Variants in CMSS1 observed in about 807,000 individuals in gnomAD.
CMSS1 encodes cms1 ribosomal small subunit homolog.
A neutral mutation model predicts 43.5 loss-of-function variants in CMSS1; 33 were observed. The observed-to-expected ratio is 0.76, with a 90% CI of 0.57 to 1.01. The LOEUF is 1.01. CMSS1 is among the 50% of genes least tolerant of loss of function. The pLI is 0.00. For missense variants in CMSS1, 313 were observed against 326.4 expected (o/e 0.96, Z 0.32); for synonymous variants, 115 against 117.2 (o/e 0.98, Z 0.12).
chr3:99,997,998 A>G (rs1052778912), intron 1 of CMSS1, among the ~76,000 whole-genome samples: 1 of 152,244 alleles, frequency 6.6e-6, no homozygotes, highest in African/African-American at 2.4e-5. Context: ...GGTTCCTGCT[A>G]GAGCATAGAG....
intron 1 of CMSS1, among the ~76,000 whole-genome samples, chr3:100,108,997 G>A (rs1248581104): frequency 6.6e-6 from 1 of 151,768 alleles, no homozygotes; most frequent in Non-Finnish European, 1.5e-5. Context: ...TGGTCCCATG[G>A]CTTTTTCAAT....
chr3:100,172,883 C>G (rs2067121703), intron 8 of CMSS1, among the ~76,000 whole-genome samples: 1 of 152,206 alleles, frequency 6.6e-6, no homozygotes, highest in Non-Finnish European at 1.5e-5. Context: ...TAGACAACAT[C>G]CACTGGTGGG....
rs1423839589 is a variant in CMSS1, at chr3:99,839,718, T to C, written c.64+21675T>C. 5.3e-5 allele frequency among the ~76,000 whole-genome samples: 8 copies of C among 152,322 alleles called. No homozygotes were observed. In the Middle Eastern group the frequency reaches 0.017, roughly 324 times the overall value. ...ATAAAATACTGTAATAATACAAATA[T>C]AGATGTTCAAGTATGAACATGCTCT... On this transcript the variant is annotated intron_variant, in intron 1 of 9. Coordinates refer to ENST00000421999, the MANE Select transcript of CMSS1 (RefSeq NM_032359.4).
At chr3:100,005,828 G>A (rs971036281) in intron 1 of CMSS1, among the ~76,000 whole-genome samples, 1 of 152,152 alleles carries the variant, frequency 6.6e-6, no homozygotes, top group Admixed American at 6.5e-5. Flanking sequence ...GAACTGAAAG[G>A]AGAGAACTTG....
chr3:100,170,303 C>A (rs1462474877), intron 6 of CMSS1, among the ~76,000 whole-genome samples: 1 of 152,178 alleles, frequency 6.6e-6, no homozygotes, highest in Admixed American at 6.5e-5. Flanking sequence ...CATGTTAGGT[C>A]TGTCCTCAAA....
chr3:99,836,923 G>C (rs908468985), intron 1 of CMSS1, among the ~76,000 whole-genome samples: 15 of 152,294 alleles, frequency 9.8e-5, no homozygotes, highest in African/African-American at 3.6e-4. Flanking sequence ...ATGCAGTAAG[G>C]ACAGGATAGC....
At chr3:100,041,222 CA>C (rs1193623743) in intron 1 of CMSS1, 1 of 152,150 alleles carries the variant, frequency 6.6e-6, no homozygotes, top group Non-Finnish European at 1.5e-5. Flanking sequence ...ATGGAATCTA[CA>C]AAATGGCCTA....
chr3:99,907,501 C>T (rs1706657681), intron 1 of CMSS1, among the ~76,000 whole-genome samples: 1 of 152,162 alleles, frequency 6.6e-6, no homozygotes, highest in Admixed American at 6.5e-5. Context: ...CCCGCCTCGG[C>T]CTCCCAAAGT....
At chr3:100,075,532 C>T (rs530919877) in intron 1 of CMSS1, 1 of 151,752 alleles carries the variant, frequency 6.6e-6, no homozygotes, top group South Asian at 2.1e-4. Context: ...CTTTTTACTT[C>T]ATATCCCAAT....
chr3:99,897,351 AAGAGC>A (rs1706290554), intron 1 of CMSS1, among the ~76,000 whole-genome samples: 1 of 152,076 alleles, frequency 6.6e-6, no homozygotes, highest in African/African-American at 2.4e-5. Context: ...CCTGGGGGAC[AAGAGC>A]TAGACTTTGT....
intron 1 of CMSS1, among the ~76,000 whole-genome samples, chr3:100,020,000 C>T (rs757275483): frequency 3.3e-4 from 50 of 152,126 alleles, no homozygotes; most frequent in Non-Finnish European, 4.6e-4. Flanking sequence ...ATTTTATTTT[C>T]TGAGTAATAT....
intron 1 of CMSS1, among the ~76,000 whole-genome samples, chr3:100,132,103 G>A (rs1484455889): frequency 6.6e-6 from 1 of 152,122 alleles, no homozygotes; most frequent in African/African-American, 2.4e-5. Flanking sequence ...AAAAGATTAG[G>A]CAGCATTAAA....
chr3:99,930,029 C>T (rs1212275107), intron 1 of CMSS1: 8 of 1,594,670 alleles, frequency 5.0e-6, no homozygotes, highest in Non-Finnish European at 6.8e-6. Context: ...TCATCTCGAG[C>T]CTGTAGGAAC....
chr3:99,912,467 C>T (rs1372625356), intron 1 of CMSS1, among the ~76,000 whole-genome samples: 2 of 152,134 alleles, frequency 1.3e-5, no homozygotes, highest in East Asian at 3.9e-4. Context: ...GCCTTGACCT[C>T]CCTGGACTCA....
At chr3:99,880,316 G>A (rs937773658) in intron 1 of CMSS1, among the ~76,000 whole-genome samples, 8 of 151,956 alleles carry the variant, frequency 5.3e-5, no homozygotes, top group Admixed American at 2.0e-4. Flanking sequence ...CCATATCTCC[G>A]CACTTAAACT....
chr3:99,899,783 C>T (rs1706377446), intron 1 of CMSS1, among the ~76,000 whole-genome samples: 1 of 152,200 alleles, frequency 6.6e-6, no homozygotes, highest in Non-Finnish European at 1.5e-5. Flanking sequence ...CCTGGGTTTG[C>T]ATGTTGAATT....
At chr3:100,156,007 A>G (rs1481627515) in intron 2 of CMSS1, among the ~76,000 whole-genome samples, 1 of 152,144 alleles carries the variant, frequency 6.6e-6, no homozygotes, top group Admixed American at 6.5e-5. Context: ...ATAGTACCCT[A>G]TACCTAATGG....
intron 1 of CMSS1, among the ~76,000 whole-genome samples, chr3:100,002,345 T>TC (rs1191451870): frequency 6.6e-6 from 1 of 152,236 alleles, no homozygotes; most frequent in East Asian, 1.9e-4. Flanking sequence ...AGATAGGTCT[T>TC]AATACATTAT....
intron 1 of CMSS1, among the ~76,000 whole-genome samples, chr3:99,920,430 C>T (rs1707089005): frequency 6.6e-6 from 1 of 152,178 alleles, no homozygotes; most frequent in Admixed American, 6.5e-5. Flanking sequence ...AAATTATTGG[C>T]ATTGCTTTTG....
Sources: gnomAD v4.1 joint callset for allele counts (sites outside exome capture counted in the v4.1 genomes callset) on GRCh38, gnomAD v4.1.1 for gene constraint, MANE v1.5 for transcripts, NCBI Gene and HGNC (gene_info 2026-07-23, HGNC 2026-07-21) for gene names.